BCLAF3: variants seen among roughly 807,000 people sequenced by gnomAD.
The protein encoded by BCLAF3 is transient octamer binding factor 1.
BCLAF3 carries 24 observed loss-of-function variants against 51.2 expected under a neutral mutation model. The observed-to-expected ratio is 0.47, with a 90% CI of 0.34 to 0.66. The LOEUF (loss-of-function observed/expected upper bound fraction) is 0.66, where lower values mean the gene tolerates loss of function less well. Among genes scored for constraint, BCLAF3 ranks in the 30% least tolerant of loss-of-function variants. The pLI, the probability that BCLAF3 is intolerant of heterozygous loss-of-function variation, is 0.01. For missense variants in BCLAF3, 465 were observed against 525.1 expected, an observed-to-expected ratio of 0.89 and a Z score of 1.12; for synonymous variants, 152 against 176.6, an observed-to-expected ratio of 0.86 and a Z score of 1.10.
chrX:19,976,479 C>T (rs2072427745), intron 1 of BCLAF3, among the ~76,000 whole-genome samples: 1 of 111,331 alleles, frequency 9.0e-6, no homozygotes, highest in African/African-American at 3.3e-5. Flanking sequence ...CAGCCTCCGC[C>T]TCTCGGGTTC....
In BCLAF3 at chrX:19,965,267, C is replaced by T; in HGVS notation, c.1051G>A (p.Ala351Thr). The change falls in exon 4 of 12, where the codon GCC (alanine) becomes ACC (threonine). Residue 351 changes from alanine to threonine, a missense_variant. Coordinates refer to ENST00000379682, the MANE Select transcript of BCLAF3 (RefSeq NM_001367774.2). The part of the protein sequence containing the change: ...PFKPSKKDSI[A>T]CTYSNKNDVD... ...TCATTTTTATTTGAATAAGTACAGG[C>T]AATGCTGTCTTTCTTAGACGGTTTA... The T allele has an allele frequency of 8.3e-7, 1 of 1,210,396 alleles. No individual in the cohort carries two copies. The highest frequency in any genetic ancestry group is 1.1e-6 in the Non-Finnish European group (1 of 894,901).
At chrX:19,927,063 C>G (rs1385874346) in intron 11 of BCLAF3, among the ~76,000 whole-genome samples, 1 of 110,846 alleles carries the variant, frequency 9.0e-6, no homozygotes, top group African/African-American at 3.3e-5. Context: ...CTCACCTCTA[C>G]TAAAAATACA....
intron 8 of BCLAF3, among the ~76,000 whole-genome samples, chrX:19,945,274 C>A (rs1481522393): frequency 2.8e-5 from 3 of 108,399 alleles, no homozygotes; most frequent in Non-Finnish European, 3.8e-5. Context: ...TCTCTCAGCT[C>A]GTCAAAGTCA....
chrX:19,983,756 C>T (rs1376076135), intron 1 of BCLAF3, among the ~76,000 whole-genome samples: 1 of 106,500 alleles, frequency 9.4e-6, no homozygotes, highest in Non-Finnish European at 1.9e-5. Context: ...AAAAGGTATA[C>T]GAGGCAAATG....
intron 1 of BCLAF3, among the ~76,000 whole-genome samples, chrX:19,979,796 T>C (rs1023321573): frequency 1.1e-4 from 12 of 106,378 alleles, no homozygotes; most frequent in Non-Finnish European, 2.0e-5. Context: ...ATCTCAAAAG[T>C]GAGGAATAAA....
Position 19,955,572 on chromosome X carries a change from A to T in BCLAF3, c.1275-6T>A. 1 of 1,165,082 alleles carries T rather than the reference A, an allele frequency of 8.6e-7. No individual in the cohort carries two copies. Among genetic ancestry groups the T allele is most frequent in the East Asian group, 3.1e-5 (1 of 32,261 alleles). On this transcript the variant is annotated splice_polypyrimidine_tract_variant and splice_region_variant and intron_variant, in intron 4 of 11. Coordinates refer to ENST00000379682, the MANE Select transcript of BCLAF3 (RefSeq NM_001367774.2). ...TGGAATAGCTAGAAGCAACCCTAGA[A>T]TAATTTGCAAATGTTTAACTAAATT...
chrX:19,985,683 C>G (rs943062586), intron 1 of BCLAF3, among the ~76,000 whole-genome samples: 1 of 112,226 alleles, frequency 8.9e-6, no homozygotes, highest in African/African-American at 3.2e-5. Flanking sequence ...TGGCTCATGC[C>G]TGTAATTCCG....
In BCLAF3 at chrX:19,914,328, C is replaced by A. The variant is rs1013128329; in HGVS notation, c.*2977G>T. The A allele has an allele frequency of 1.8e-5, 2 of 110,699 alleles. No homozygotes were observed. Among genetic ancestry groups the A allele is most frequent in the African/African-American group, 6.6e-5 (2 of 30,467 alleles). The allele number at this position is 110,699 out of a possible 1,213,427, so 9.1% of individuals were successfully genotyped here. A position where few individuals can be genotyped will look rare whatever the true frequency, so the allele number is the denominator to read the frequency against. On this transcript the variant is annotated 3_prime_UTR_variant, in exon 12 of 12. Coordinates refer to ENST00000379682, the MANE Select transcript of BCLAF3 (RefSeq NM_001367774.2). Reference sequence around the variant, plus strand: ...ACTCAGTGCTACTTCTGGGGATGGGCGAGGGATGAAGTCATACCACACCTT... The same window carrying A: ...ACTCAGTGCTACTTCTGGGGATGGGAGAGGGATGAAGTCATACCACACCTT...
At chrX:19,941,368 A>T (rs368018670) in intron 8 of BCLAF3, among the ~76,000 whole-genome samples, 1 of 103,915 alleles carries the variant, frequency 9.6e-6, no homozygotes, top group Non-Finnish European at 1.9e-5. Context: ...CTGAATGGTA[A>T]TGCCTAGGTT....
chrX:19,960,794 C>T (rs887721495), intron 4 of BCLAF3, among the ~76,000 whole-genome samples: 8 of 111,764 alleles, frequency 7.2e-5, no homozygotes, highest in Non-Finnish European at 1.3e-4. Context: ...GCCCATCCCC[C>T]ACCTCATCCC....
chrX:19,972,398 G>A (rs1476436225), intron 1 of BCLAF3, among the ~76,000 whole-genome samples: 4 of 111,372 alleles, frequency 3.6e-5, no homozygotes, highest in Non-Finnish European at 7.5e-5. Context: ...TAATTTTTTT[G>A]GGGGCGGGTG....
chrX:19,987,579 A>G (rs1280732538), intron 1 of BCLAF3, among the ~76,000 whole-genome samples: 1 of 112,831 alleles, frequency 8.9e-6, no homozygotes, highest in Admixed American at 9.4e-5. Flanking sequence ...TGCTGGGATT[A>G]CAGGCGTGAG....
chrX:19,984,518 A>G lies in BCLAF3; in HGVS notation c.-35+6390T>C, dbSNP rs1234824797. Among the ~76,000 whole-genome samples the G allele has an allele frequency of 3.6e-5, 4 of 111,273 alleles. No homozygotes were observed. The Admixed American group carries it at 3.8e-4, about 11-fold the overall frequency. On this transcript the variant is annotated intron_variant, in intron 1 of 11. Transcript: ENST00000379682. ...TAATCATATATTAGGTCACAAAGAAAAAATATTTCCACTTCAATAAAGTGG... is the reference window on the plus strand; with the variant it reads ...TAATCATATATTAGGTCACAAAGAAGAAATATTTCCACTTCAATAAAGTGG...
Position 19,915,677 on chromosome X carries a change from T to G in BCLAF3, c.*1628A>C, listed in dbSNP as rs1428987406. 8.9e-6 allele frequency: 1 copy of G among 112,282 alleles called. No homozygotes were observed. 9.3% of individuals were successfully genotyped at this position (112,282 alleles called of 1,213,427 possible). On this transcript the variant is annotated 3_prime_UTR_variant, in exon 12 of 12. Transcript: ENST00000379682. ...GCAGGGTCCATGTGTCTTGTCTTCT[T>G]GTTCATTGCTGTAATTTTAGTACAG...
At chrX:19,982,716 A>AT (rs2072657734) in intron 1 of BCLAF3, among the ~76,000 whole-genome samples, 1 of 110,984 alleles carries the variant, frequency 9.0e-6, no homozygotes, top group South Asian at 3.7e-4. Context: ...ACACACCCTA[A>AT]TTTTTGTAAT....
chrX:19,921,994 C>T (rs918511408), intron 11 of BCLAF3, among the ~76,000 whole-genome samples: 2 of 110,710 alleles, frequency 1.8e-5, no homozygotes, highest in Admixed American at 9.7e-5. Context: ...CAGAGCAAAA[C>T]TCCGTCTCAG....
intron 11 of BCLAF3, among the ~76,000 whole-genome samples, chrX:19,927,903 T>C (rs775438028): frequency 3.7e-5 from 4 of 107,511 alleles, no homozygotes; most frequent in African/African-American, 1.4e-4. Flanking sequence ...TTTTAATAGG[T>C]CTCACTCTGT....
At chrX:19,933,042 A>T in intron 10 of BCLAF3, among the ~76,000 whole-genome samples, 1 of 112,220 alleles carries the variant, frequency 8.9e-6, no homozygotes, top group Non-Finnish European at 1.9e-5. Context: ...AACTAAAGCA[A>T]TGCCAGGAGG....
chrX:19,982,378 A>C (rs1240040496), intron 1 of BCLAF3, among the ~76,000 whole-genome samples: 2 of 111,526 alleles, frequency 1.8e-5, no homozygotes, highest in Non-Finnish European at 1.9e-5. Flanking sequence ...AATCAGTAGA[A>C]TAGTGAGAAG....
Sources: allele counts gnomAD v4.1 joint callset (sites outside exome capture counted in the v4.1 genomes callset), GRCh38; gene constraint gnomAD v4.1.1; transcripts MANE v1.5; gene names NCBI Gene and HGNC (gene_info 2026-07-23, HGNC 2026-07-21).